Variants in NDNF observed in about 807,000 individuals in gnomAD.
NDNF encodes the protein neuron derived neurotrophic factor.
A neutral mutation model predicts 42.0 loss-of-function variants in NDNF; 16 were observed. The observed-to-expected ratio is 0.38, with a 90% confidence interval of 0.26 to 0.58. The LOEUF (loss-of-function observed/expected upper bound fraction) is 0.58. Among genes scored for constraint, NDNF ranks in the 20% least tolerant of loss-of-function variants. The pLI is 0.67. For synonymous variants in NDNF, 248 were observed against 251.7 expected, an observed-to-expected ratio of 0.99 and a Z score of 0.14; for missense variants, 616 against 666.2, an observed-to-expected ratio of 0.92 and a Z score of 0.83.
intron 1 of NDNF, among the ~76,000 whole-genome samples, chr4:121,055,036 G>A (rs1319572158): frequency 4.0e-5 from 6 of 151,538 alleles, no homozygotes; most frequent in Non-Finnish European, 5.9e-5. Flanking sequence ...ATCTTGCCAC[G>A]TTGCCCAGGT....
intron 1 of NDNF, among the ~76,000 whole-genome samples, chr4:121,059,430 T>C (rs1314806545): frequency 7.9e-5 from 12 of 152,224 alleles, no homozygotes; most frequent in Admixed American, 7.9e-4. Flanking sequence ...TTGACAATTT[T>C]ATGGGTGCTA....
chr4:121,037,695 C>A (rs200656895), intron 3 of NDNF, 38 bp from the exon 4 acceptor site: 9 of 1,488,680 alleles, frequency 6.0e-6, no homozygotes, highest in Non-Finnish European at 8.0e-6. Flanking sequence ...ACTGTCAGGG[C>A]ATACACTGTG....
intron 1 of NDNF, among the ~76,000 whole-genome samples, chr4:121,055,567 G>A (rs1008997294): frequency 6.6e-6 from 1 of 151,252 alleles, no homozygotes; most frequent in African/African-American, 2.4e-5. Context: ...GTCTATCTTA[G>A]ATGCAGTTTT....
chr4:121,049,653 T>C lies in NDNF; in HGVS notation c.-1-3815A>G, dbSNP rs189123202. ...TAGTCTTTGACACTAAGCTTCTATT[T>C]ATTAAACTATTTTACTGGTTTACCT... On this transcript the variant is annotated intron_variant, in intron 1 of 3. Coordinates refer to ENST00000379692, the MANE Select transcript of NDNF (RefSeq NM_024574.4). Among the ~76,000 whole-genome samples the C allele has an allele frequency of 3.3e-3, 503 of 152,324 alleles. 1 individual carries two copies. Among genetic ancestry groups the C allele is most frequent in the African/African-American group, 0.011 (463 of 41,564 alleles).
chr4:121,061,206 C>T (rs1006912049), intron 1 of NDNF: 7 of 152,312 alleles, frequency 4.6e-5, no homozygotes, highest in Non-Finnish European at 8.8e-5. Flanking sequence ...AGAAAATATT[C>T]TCCAAAGACA....
intron 1 of NDNF, among the ~76,000 whole-genome samples, chr4:121,070,994 A>G (rs556459438): frequency 1.3e-5 from 2 of 152,304 alleles, no homozygotes; most frequent in East Asian, 3.9e-4. Context: ...TGGGCCTGGG[A>G]TAGGGTGCGG....
intron 1 of NDNF, among the ~76,000 whole-genome samples, chr4:121,057,444 T>G (rs1395212387): frequency 1.3e-5 from 2 of 152,034 alleles, no homozygotes; most frequent in African/African-American, 4.8e-5. Flanking sequence ...CATCACCCAC[T>G]AAGAGGGACA....
chr4:121,056,326 G>T (rs1286388599), intron 1 of NDNF, among the ~76,000 whole-genome samples: 3 of 152,214 alleles, frequency 2.0e-5, no homozygotes, highest in Non-Finnish European at 4.4e-5. Context: ...GAGAAAACCA[G>T]GCTAGAGAGA....
intron 1 of NDNF, among the ~76,000 whole-genome samples, chr4:121,056,364 G>C (rs1727296364): frequency 6.6e-6 from 1 of 152,184 alleles, no homozygotes; most frequent in African/African-American, 2.4e-5. Context: ...AGCGTCTTTA[G>C]GATGGACACC....
Position 121,037,356 on chromosome 4 carries a change from C to T in NDNF, c.615G>A (p.Leu205=). 1 of 1,614,112 alleles carries T rather than the reference C, an allele frequency of 6.2e-7. No individual in the cohort carries two copies. The highest frequency in any genetic ancestry group is 8.5e-7 in the Non-Finnish European group (1 of 1,180,020). The change falls in exon 4 of 4, where the codon CTG becomes CTA. Residue 205 remains leucine, a synonymous_variant. Coordinates refer to ENST00000379692, the MANE Select transcript of NDNF (RefSeq NM_024574.4). ...CCACACAGTACTGAATGGGTTGTTT[C>T]AGCAAAGAGGCAGTGGGGCTTGGTT... ...AWKPSPTASL[L]KQPIQYCVVI... is the part of the protein sequence containing the mutation.
chr4:121,063,104 TA>T (rs1184410898), intron 1 of NDNF, among the ~76,000 whole-genome samples: 1 of 152,166 alleles, frequency 6.6e-6, no homozygotes, highest in African/African-American at 2.4e-5. Context: ...AAAATAATTT[TA>T]AAAATCTTAG....
intron 1 of NDNF, among the ~76,000 whole-genome samples, chr4:121,063,074 A>G (rs1051689970): frequency 6.6e-6 from 1 of 152,138 alleles, no homozygotes; most frequent in Non-Finnish European, 1.5e-5. Context: ...AGTTTCATCC[A>G]ATTTTTAAAA....
At chr4:121,055,051 C>G (rs1371471087) in intron 1 of NDNF, among the ~76,000 whole-genome samples, 1 of 151,800 alleles carries the variant, frequency 6.6e-6, no homozygotes, top group Non-Finnish European at 1.5e-5. Flanking sequence ...CCAGGTTGGT[C>G]TCAAACCCCT....
rs1560602036 is a variant in NDNF, at chr4:121,036,907, A to G, written c.1064T>C (p.Val355Ala). 2 of 1,613,936 alleles carry G rather than the reference A, an allele frequency of 1.2e-6. No individual in the cohort carries two copies. The highest frequency in any genetic ancestry group is 1.7e-6 in the Non-Finnish European group (2 of 1,180,000). Residue 355 changes from valine (V) to alanine (A), a missense_variant, in exon 4 of 4, where the codon GTT (valine) becomes GCT (alanine). Transcript: ENST00000379692. ...TAGAAACTTTGCTCCCTTCCTTTTA[A>G]CAAATACATCTGTTATCTTCCCATC... The part of the protein sequence containing the change: ...LKDGKITDVF[V>A]KRKGAKFLRF...
At position 121,036,971 on chromosome 4, in the gene NDNF, T is replaced by G. The variant is rs1318441090; in HGVS notation, c.1000A>C (p.Thr334Pro). 1 of 1,614,032 alleles carries G rather than the reference T, an allele frequency of 6.2e-7. No individual in the cohort carries two copies. Among genetic ancestry groups the G allele is most frequent in the Non-Finnish European group, 8.5e-7 (1 of 1,180,028 alleles). ...STAYVGTFAR[T>P]KEEAKQKTVE... The stretch of plus-strand genomic sequence containing the variant: ...GTCTTCTGTTTGGCTTCTTCCTTGG[T>G]CCTGGCAAAGGTACCTACATAAGCG... Residue 334 changes from threonine to proline, a missense_variant, in exon 4 of 4, where the codon ACC becomes CCC. Thr to Pro is a conservative substitution (Grantham distance 38). Coordinates refer to ENST00000379692, the MANE Select transcript of NDNF (RefSeq NM_024574.4).
Position 121,036,321 on chromosome 4 carries a change from A to T in NDNF, c.1650T>A (p.His550Gln). 1 of 1,614,050 alleles carries T rather than the reference A, an allele frequency of 6.2e-7. No individual in the cohort carries two copies. The highest frequency in any genetic ancestry group is 8.5e-7 in the Non-Finnish European group (1 of 1,179,974). Residue 550 changes from histidine to glutamine, a missense_variant, in exon 4 of 4, where the codon CAT (histidine) becomes CAA (glutamine). Physicochemically the swap from His to Gln is conservative, Grantham distance 24 (BLOSUM62 0). Transcript: ENST00000379692. ...SYLLDVYVIG[H>Q]GGHSVKYQSK... ...TCTGATACTTTACAGAGTGCCCCCC[A>T]TGTCCTATGACATAAACATCCAGCA...
At position 121,043,650 on chromosome 4, in the gene NDNF, TTAA is replaced by T. The variant is rs1259598485; in HGVS notation, c.188+1997_188+1999del. On this transcript the variant is annotated intron_variant, in intron 2 of 3. Coordinates refer to ENST00000379692, the MANE Select transcript of NDNF (RefSeq NM_024574.4). ...AACAGCTCTTACAGGCAAAACTTAT[TTAA>T]TTTTTAAGAAACTGGAAGACTAAAG... 8.5e-5 allele frequency among the ~76,000 whole-genome samples: 13 copies of T among 152,258 alleles called. No homozygotes were observed. The South Asian group carries it at 2.7e-3, about 32-fold the overall frequency.
intron 1 of NDNF, among the ~76,000 whole-genome samples, chr4:121,053,000 C>T (rs972114807): frequency 1.3e-5 from 2 of 152,128 alleles, no homozygotes; most frequent in Admixed American, 6.5e-5. Context: ...TCTCACTCTG[C>T]GATAACATGC....
chr4:121,060,901 A>G (rs1727393860), intron 1 of NDNF, among the ~76,000 whole-genome samples: 1 of 152,210 alleles, frequency 6.6e-6, no homozygotes, highest in South Asian at 2.1e-4. Flanking sequence ...GCCAAAGTAC[A>G]AGACAAAACC....
Sources: gnomAD v4.1 joint callset for allele counts (sites outside exome capture counted in the v4.1 genomes callset) on GRCh38, gnomAD v4.1.1 for gene constraint, MANE v1.5 for transcripts, NCBI Gene and HGNC (gene_info 2026-07-23, HGNC 2026-07-21) for gene names.